Variants in RASGRF2 observed in about 807,000 individuals in gnomAD.
The protein encoded by RASGRF2 is Ras protein specific guanine nucleotide releasing factor 2.
Under a neutral mutation model 151.0 loss-of-function variants are expected in RASGRF2, and 76 were observed. The ratio of observed to expected loss-of-function variants is 0.50; its 90% CI spans 0.42 to 0.61. The LOEUF (loss-of-function observed/expected upper bound fraction) is 0.61, where lower values mean the gene tolerates loss of function less well. Among genes scored for constraint, RASGRF2 ranks in the 20% least tolerant of loss-of-function variants. The probability of loss-of-function intolerance (pLI) is 0.00; values close to 1 mark genes in which losing one functional copy is unlikely to be tolerated. For synonymous variants in RASGRF2, 504 were observed against 566.5 expected, an observed-to-expected ratio of 0.89 and a Z score of 1.57; for missense variants, 1,148 against 1,564.6, an observed-to-expected ratio of 0.73 and a Z score of 4.49.
chr5:80,971,905 TA>T (rs1388404563), intron 1 of RASGRF2, among the ~76,000 whole-genome samples: 1 of 151,374 alleles, frequency 6.6e-6, no homozygotes, highest in Non-Finnish European at 1.5e-5. Flanking sequence ...TTTTATTTTT[TA>T]TTTTTTTATT....
At chr5:81,026,412 T>C (rs440583) in intron 1 of RASGRF2, among the ~76,000 whole-genome samples, 30,925 of 151,942 alleles carry the variant, frequency 0.2, 3,262 homozygotes, top group Admixed American at 0.27. Context: ...TCATCCAACA[T>C]TTGCATAGGA....
chr5:81,148,099 A>T (rs138782593), intron 17 of RASGRF2, among the ~76,000 whole-genome samples: 1 of 152,284 alleles, frequency 6.6e-6, no homozygotes, highest in East Asian at 1.9e-4. Context: ...ACGAAGACCT[A>T]CGTATTCATT....
At chr5:81,181,793 G>A (rs1415191629) in intron 18 of RASGRF2, among the ~76,000 whole-genome samples, 1 of 151,954 alleles carries the variant, frequency 6.6e-6, no homozygotes, top group Admixed American at 6.6e-5. Context: ...CTTCTCCCCA[G>A]AGCCCTCCAG....
chr5:81,107,984 A>G (rs1295636155), intron 12 of RASGRF2, among the ~76,000 whole-genome samples: 4 of 152,266 alleles, frequency 2.6e-5, no homozygotes, highest in African/African-American at 9.6e-5. Flanking sequence ...AATACTAAGT[A>G]GACTGAATAG....
rs73123076 is a variant in RASGRF2, at chr5:80,960,520, T to C, written c.-219T>C. ...GGGGCTCGGCCGGGAGGGTGGTGGT[T>C]AGGGCGGAGAGCGTGCCTCGGCCCC... On this transcript the variant is annotated 5_prime_UTR_variant, in exon 1 of 27. Transcript: ENST00000265080. The surrounding 1 kb of genome is among the most constrained non-coding windows in gnomAD (Gnocchi z 5.5). Among the ~76,000 whole-genome samples the C allele has an allele frequency of 0.67, 100,154 of 150,452 alleles. 33,678 individuals carry two copies. Among genetic ancestry groups the C allele is most frequent in the African/African-American group, 0.74 (30,438 of 41,278 alleles).
At chr5:80,967,249 G>C (rs185659386) in intron 1 of RASGRF2, among the ~76,000 whole-genome samples, 1 of 152,200 alleles carries the variant, frequency 6.6e-6, no homozygotes, top group Non-Finnish European at 1.5e-5. Context: ...TTAGCCAGGC[G>C]TGGTGGAGCA....
chr5:81,090,809 T>C (rs1031227305), intron 9 of RASGRF2, among the ~76,000 whole-genome samples: 1 of 152,250 alleles, frequency 6.6e-6, no homozygotes, highest in Non-Finnish European at 1.5e-5. Context: ...TTATGTATTC[T>C]ATAATTTCTG....
intron 17 of RASGRF2, among the ~76,000 whole-genome samples, chr5:81,166,915 C>T (rs888242277): frequency 1.4e-4 from 21 of 152,140 alleles, no homozygotes; most frequent in African/African-American, 4.8e-4. Context: ...CTTTAGCTTT[C>T]CCCAGGGGTA....
intron 26 of RASGRF2, 115 bp from the exon 27 acceptor site, chr5:81,225,563 A>G (rs1472089431): frequency 2.1e-6 from 3 of 1,445,430 alleles, no homozygotes; most frequent in Non-Finnish European, 2.7e-6. Context: ...TTTTTTGGTC[A>G]AATAAGATTT....
intron 1 of RASGRF2, among the ~76,000 whole-genome samples, chr5:80,973,028 A>G (rs955744877): frequency 6.6e-6 from 1 of 152,210 alleles, no homozygotes; most frequent in African/African-American, 2.4e-5. Context: ...GGTGTCTTTA[A>G]TGAACAGAAG....
At chr5:81,115,402 G>A (rs4703822) in intron 15 of RASGRF2, among the ~76,000 whole-genome samples, 40,485 of 152,072 alleles carry the variant, frequency 0.27, 5,794 homozygotes, top group Middle Eastern at 0.49. Flanking sequence ...ATGAGGCAGC[G>A]CACAAGCTGA....
At chr5:81,074,459 CCT>C (rs1751877000) in intron 5 of RASGRF2, among the ~76,000 whole-genome samples, 1 of 152,086 alleles carries the variant, frequency 6.6e-6, no homozygotes, top group Non-Finnish European at 1.5e-5. Flanking sequence ...GCACTGTCAC[CCT>C]GTCTCTGTCC....
chr5:81,034,816 A>AGGGGGGGGGG (rs1750420246), intron 1 of RASGRF2, among the ~76,000 whole-genome samples: 1 of 117,612 alleles, frequency 8.5e-6, no homozygotes, highest in Non-Finnish European at 1.7e-5. Context: ...GGAGGGGGGT[A>AGGGGGGGGGG]GGGATAGCAT....
chr5:80,994,137 G>C (rs560110688), intron 1 of RASGRF2, among the ~76,000 whole-genome samples: 3 of 152,014 alleles, frequency 2.0e-5, no homozygotes, highest in African/African-American at 7.3e-5. Context: ...AGGCCAGGGC[G>C]GGCGGATCAC....
At chr5:81,004,992 C>T (rs1290670695) in intron 1 of RASGRF2, among the ~76,000 whole-genome samples, 1 of 152,158 alleles carries the variant, frequency 6.6e-6, no homozygotes, top group Non-Finnish European at 1.5e-5. Context: ...AAAGAAACCC[C>T]TCAGCCCTTA....
chr5:81,113,937 T>A lies in RASGRF2; in HGVS notation c.2470+17T>A. 6.3e-7 allele frequency: 1 copy of A among 1,599,680 alleles called. No individual in the cohort carries two copies. Among genetic ancestry groups the A allele is most frequent in the Non-Finnish European group, 8.5e-7 (1 of 1,171,088 alleles). ...TTCAAAAAGGTATTATCTAGCACAT[T>A]TGCATAATTACACCCCACATTTGCT... is the stretch of plus-strand genomic sequence containing the variant. On this transcript the variant is annotated intron_variant, in intron 15 of 26. Transcript: ENST00000265080.
In RASGRF2 at chr5:81,026,008, T is replaced by TTCCTTCCCTCCTTCCTTCCA. The variant is rs56166927; in HGVS notation, c.289-16839_289-16820dup. ...CTCCCTCCCTCCCTTCCTTCCTTTC[T>TTCCTTCCCTCCTTCCTTCCA]TCCTTCCCTCCTTCCTTCCATCCTT... On this transcript the variant is annotated intron_variant, in intron 1 of 26. Transcript: ENST00000265080. Among the ~76,000 whole-genome samples the TTCCTTCCCTCCTTCCTTCCA allele has an allele frequency of 7.4e-5, 9 of 121,294 alleles. No homozygotes were observed. In the East Asian group the frequency reaches 2.0e-3, roughly 27 times the overall value. The allele number at this position is 121,294 out of a possible 152,430, so 79.6% of individuals were successfully genotyped here.
At chr5:80,964,185 T>C (rs1747655422) in intron 1 of RASGRF2, among the ~76,000 whole-genome samples, 1 of 152,172 alleles carries the variant, frequency 6.6e-6, no homozygotes, top group East Asian at 1.9e-4. Context: ...CCTTCCATAG[T>C]GACTACTTCT....
At chr5:81,021,882 T>G (rs1299927770) in intron 1 of RASGRF2, among the ~76,000 whole-genome samples, 1 of 152,052 alleles carries the variant, frequency 6.6e-6, no homozygotes, top group African/African-American at 2.4e-5. Flanking sequence ...TGGACAGGGC[T>G]GAAGTATGGG....
Sources: gnomAD v4.1 joint callset for allele counts (sites outside exome capture counted in the v4.1 genomes callset) on GRCh38, gnomAD v4.1.1 for gene constraint, Gnocchi (gnomAD v3.1) non-coding constraint, MANE v1.5 for transcripts, NCBI Gene and HGNC (gene_info 2026-07-23, HGNC 2026-07-21) for gene names.